Variants in SUPT3H observed in about 807,000 individuals in gnomAD.
The protein encoded by SUPT3H is transcription initiation protein SPT3 homolog.
In SUPT3H, 44 loss-of-function variants were observed where a neutral mutation model predicts 44.3. The observed-to-expected ratio is 0.99, with a 90% CI of 0.78 to 1.28. The LOEUF (loss-of-function observed/expected upper bound fraction) is 1.28, where lower values mean the gene tolerates loss of function less well. Ranked by LOEUF, SUPT3H falls within the 50% of genes most tolerant of loss-of-function variation. The pLI is 0.00. For synonymous variants in SUPT3H, 124 were observed against 125.6 expected (o/e 0.99, Z 0.09); for missense variants, 380 against 387.1 (o/e 0.98, Z 0.15).
chr6:45,218,141 T>C (rs940445349), intron 2 of SUPT3H, among the ~76,000 whole-genome samples: 2 of 152,080 alleles, frequency 1.3e-5, no homozygotes, highest in African/African-American at 2.4e-5. Flanking sequence ...AAGGTAATCC[T>C]TTGAAAGCAA....
chr6:45,175,670 C>T (rs990397208), intron 2 of SUPT3H, among the ~76,000 whole-genome samples: 3 of 151,898 alleles, frequency 2.0e-5, no homozygotes, highest in Admixed American at 6.5e-5. Flanking sequence ...TACATGAATA[C>T]GATACCATGG....
chr6:45,365,551 T>TATA (rs1036953877), intron 1 of SUPT3H, among the ~76,000 whole-genome samples: 6 of 151,474 alleles, frequency 4.0e-5, no homozygotes, highest in Admixed American at 2.6e-4. Flanking sequence ...GCACCTATTT[T>TATA]ACAATAGGTA....
intron 3 of SUPT3H, among the ~76,000 whole-genome samples, chr6:45,057,174 G>A (rs9369530): frequency 0.58 from 87,775 of 151,922 alleles, 26,181 homozygotes; most frequent in African/African-American, 0.73. Context: ...GATTTAAATT[G>A]TTTAAATGAT....
intron 2 of SUPT3H, among the ~76,000 whole-genome samples, chr6:45,158,291 TA>T (rs1471912754): frequency 0.035 from 2,569 of 73,522 alleles, 331 homozygotes; most frequent in East Asian, 0.067. Context: ...TATATATATA[TA>T]TATATATTTT....
chr6:45,141,495 AAAG>A (rs1314888904), intron 2 of SUPT3H, among the ~76,000 whole-genome samples: 1 of 151,924 alleles, frequency 6.6e-6, no homozygotes, highest in Non-Finnish European at 1.5e-5. Flanking sequence ...TAGGTACAGA[AAAG>A]AAAAAAAATC....
chr6:45,141,951 C>A (rs1349375866), intron 2 of SUPT3H, among the ~76,000 whole-genome samples: 2 of 152,104 alleles, frequency 1.3e-5, no homozygotes, highest in Admixed American at 1.3e-4. Context: ...ATCAGGTTAT[C>A]TAAAGTCAAG....
intron 2 of SUPT3H, among the ~76,000 whole-genome samples, chr6:45,235,864 G>A (rs1031773427): frequency 1.3e-4 from 20 of 152,180 alleles, no homozygotes; most frequent in East Asian, 1.2e-3. Context: ...CTGGAATGAA[G>A]GCAAGGAATA....
intron 2 of SUPT3H, among the ~76,000 whole-genome samples, chr6:45,291,404 C>CA (rs1780297478): frequency 6.6e-6 from 1 of 152,102 alleles, no homozygotes. Flanking sequence ...TAACACCCCC[C>CA]AAAATCACAC....
chr6:45,253,870 TATAC>T (rs200607065), intron 2 of SUPT3H, among the ~76,000 whole-genome samples: 1 of 140,642 alleles, frequency 7.1e-6, no homozygotes, highest in Non-Finnish European at 1.5e-5. Context: ...TATATATATA[TATAC>T]ACACACACAG....
chr6:44,977,871 A>G (rs1023147897), intron 6 of SUPT3H, among the ~76,000 whole-genome samples: 1 of 152,150 alleles, frequency 6.6e-6, no homozygotes, highest in African/African-American at 2.4e-5. Context: ...AGTGGCCCTG[A>G]TAAGAAACTG....
downstream of SUPT3H, among the ~76,000 whole-genome samples, chr6:44,821,842 G>A (rs1410879825): frequency 2.0e-5 from 3 of 152,100 alleles, no homozygotes; most frequent in Non-Finnish European, 4.4e-5. Context: ...AGGAGACAAT[G>A]GCAATTATGA....
intron 3 of SUPT3H, among the ~76,000 whole-genome samples, chr6:45,062,198 A>T (rs1040348369): frequency 6.6e-6 from 1 of 152,076 alleles, no homozygotes; most frequent in Non-Finnish European, 1.5e-5. Context: ...AAGTTGTTGT[A>T]ATACTGTTGG....
chr6:45,349,430 A>C (rs1195331819), intron 2 of SUPT3H, among the ~76,000 whole-genome samples: 1 of 152,190 alleles, frequency 6.6e-6, no homozygotes, highest in East Asian at 1.9e-4. Context: ...ACATTATATA[A>C]AAGCACTAGT....
intron 2 of SUPT3H, among the ~76,000 whole-genome samples, chr6:45,294,385 G>T (rs1233343382): frequency 6.6e-6 from 1 of 152,040 alleles, no homozygotes; most frequent in Non-Finnish European, 1.5e-5. Context: ...ACTGAATGGG[G>T]AAAAGTTGAA....
intron 2 of SUPT3H, among the ~76,000 whole-genome samples, chr6:45,116,658 G>C (rs1800887585): frequency 6.6e-6 from 1 of 152,068 alleles, no homozygotes; most frequent in African/African-American, 2.4e-5. Context: ...TATGAAGAAA[G>C]CTTACTTTAA....
chr6:44,856,026 C>T (rs1773663931), intron 10 of SUPT3H, among the ~76,000 whole-genome samples: 1 of 152,032 alleles, frequency 6.6e-6, no homozygotes, highest in South Asian at 2.1e-4. Context: ...TTTATTGTAC[C>T]TTTTTCATTT....
At chr6:45,137,775 A>G (rs1632504) in intron 2 of SUPT3H, among the ~76,000 whole-genome samples, 5 of 151,980 alleles carry the variant, frequency 3.3e-5, no homozygotes, top group African/African-American at 1.2e-4. Context: ...AGGCAGTTAT[A>G]AATTCAACCA....
At chr6:45,270,621 T>C (rs1302364088) in intron 2 of SUPT3H, among the ~76,000 whole-genome samples, 1 of 152,218 alleles carries the variant, frequency 6.6e-6, no homozygotes, top group East Asian at 1.9e-4. Flanking sequence ...CTCTTTCTTT[T>C]GTAAATTGCC....
At chr6:44,852,783 A>C (rs1773099488) in intron 10 of SUPT3H, among the ~76,000 whole-genome samples, 1 of 152,194 alleles carries the variant, frequency 6.6e-6, no homozygotes, top group East Asian at 1.9e-4. Flanking sequence ...CCACAAAACA[A>C]GTAATTTGTA....
Sources: gnomAD v4.1 joint callset for allele counts (sites outside exome capture counted in the v4.1 genomes callset) on GRCh38, gnomAD v4.1.1 for gene constraint, MANE v1.5 for transcripts, NCBI Gene and HGNC (gene_info 2026-07-23, HGNC 2026-07-21) for gene names.